Variants in AMOTL1 observed in about 807,000 individuals in gnomAD.
The protein encoded by AMOTL1 is angiomotin-like protein 1.
AMOTL1 carries 45 observed loss-of-function variants against 102.9 expected under a neutral mutation model. The observed-to-expected ratio is 0.44, with a 90% CI of 0.34 to 0.56. The LOEUF (loss-of-function observed/expected upper bound fraction) is 0.56. AMOTL1 is among the 20% of genes least tolerant of loss of function. The probability of loss-of-function intolerance (pLI) is 0.01; values close to 1 mark genes in which losing one functional copy is unlikely to be tolerated. For missense variants in AMOTL1, 1,114 were observed against 1,225.6 expected (o/e 0.91, Z 1.36); for synonymous variants, 481 against 484.7 (o/e 0.99, Z 0.10).
chr11:94,708,872 A>G (rs1304013790), intron 1 of AMOTL1, among the ~76,000 whole-genome samples: 2 of 152,208 alleles, frequency 1.3e-5, no homozygotes, highest in East Asian at 1.9e-4. Flanking sequence ...GGAAACCAGT[A>G]CAGTTAACCA....
chr11:94,824,177 T>C (rs930518842), intron 4 of AMOTL1, among the ~76,000 whole-genome samples: 2 of 152,212 alleles, frequency 1.3e-5, no homozygotes, highest in African/African-American at 2.4e-5. Context: ...AATCAAAAGC[T>C]GTGTCCCTTC....
At chr11:94,847,110 A>G (rs1336690666) in intron 6 of AMOTL1, among the ~76,000 whole-genome samples, 1 of 152,206 alleles carries the variant, frequency 6.6e-6, no homozygotes, top group Non-Finnish European at 1.5e-5. Flanking sequence ...TGTTTGACCC[A>G]TGTATTTCAG....
chr11:94,850,331 C>T lies in AMOTL1; in HGVS notation c.1794+72C>T, dbSNP rs1404526959. On this transcript the variant is annotated intron_variant, in intron 7 of 12. Transcript: ENST00000433060. ...CCCAGAGGGCTTCCACTTTCTTTTCCTAACCCACCTACTTTAACCAGAGCC... is the reference window on the plus strand; with the variant it reads ...CCCAGAGGGCTTCCACTTTCTTTTCTTAACCCACCTACTTTAACCAGAGCC... 4.7e-6 allele frequency: 7 copies of T among 1,482,106 alleles called. No homozygotes were observed. In the African/African-American group the frequency reaches 7.1e-5, roughly 15 times the overall value. The allele number at this position is 1,482,106 out of a possible 1,614,324, so 91.8% of individuals were successfully genotyped here. A position where few individuals can be genotyped will look rare whatever the true frequency, so the allele number is the denominator to read the frequency against.
chr11:94,754,556 G>C (rs1950698220), intron 3 of AMOTL1, among the ~76,000 whole-genome samples: 1 of 152,150 alleles, frequency 6.6e-6, no homozygotes, highest in Non-Finnish European at 1.5e-5. Context: ...ATTTGGCTCA[G>C]TAGTATTCAG....
intron 1 of AMOTL1, among the ~76,000 whole-genome samples, chr11:94,715,971 C>G (rs914709643): frequency 1.3e-5 from 2 of 152,062 alleles, no homozygotes; most frequent in Non-Finnish European, 2.9e-5. Flanking sequence ...TATTTCTTCT[C>G]TCTCTGAGAT....
At position 94,859,515 on chromosome 11, in the gene AMOTL1, A is replaced by T. The variant is rs1565384890; in HGVS notation, c.1945-10A>T. 6.2e-7 allele frequency: 1 copy of T among 1,602,376 alleles called. No homozygotes were observed. Among genetic ancestry groups the T allele is most frequent in the Admixed American group, 1.7e-5 (1 of 58,378 alleles). On this transcript the variant is annotated splice_polypyrimidine_tract_variant and intron_variant, in intron 8 of 12. Transcript: ENST00000433060. ...TTTTGAGCATCAAGATTTTTTTTCT[A>T]CTCCTTCAGAAACATGGAAATGGCC... is the stretch of plus-strand genomic sequence containing the variant.
At chr11:94,839,264 G>C (rs532263895) in intron 6 of AMOTL1, among the ~76,000 whole-genome samples, 2 of 152,196 alleles carry the variant, frequency 1.3e-5, no homozygotes, top group African/African-American at 2.4e-5. Flanking sequence ...ATTTAACAAC[G>C]GTAACAGCTG....
intron 1 of AMOTL1, among the ~76,000 whole-genome samples, chr11:94,790,974 A>G (rs534646706): frequency 6.6e-6 from 1 of 152,194 alleles, no homozygotes; most frequent in South Asian, 2.1e-4. Flanking sequence ...TTTTCCCTTC[A>G]ACAATGAAGC....
At chr11:94,736,167 G>A (rs560372510) in intron 2 of AMOTL1, among the ~76,000 whole-genome samples, 1 of 152,328 alleles carries the variant, frequency 6.6e-6, no homozygotes, top group Admixed American at 6.5e-5. Flanking sequence ...CATGGCAGCA[G>A]GAGGCCCACC....
chr11:94,843,451 A>G (rs1026895611), intron 6 of AMOTL1, among the ~76,000 whole-genome samples: 26 of 152,224 alleles, frequency 1.7e-4, no homozygotes, highest in Admixed American at 1.4e-3. Context: ...ATAGTTTTGT[A>G]GACAGTAAAG....
chr11:94,764,234 C>A (rs116611280), upstream of AMOTL1, among the ~76,000 whole-genome samples: 1,178 of 152,260 alleles, frequency 7.7e-3, 17 homozygotes, highest in African/African-American at 0.027. Context: ...GTAAATACTT[C>A]TGAAAGTGAA....
intron 6 of AMOTL1, among the ~76,000 whole-genome samples, chr11:94,834,315 C>T (rs1230664116): frequency 1.3e-5 from 2 of 152,042 alleles, no homozygotes; most frequent in East Asian, 1.9e-4. Flanking sequence ...GGGCCGGGCG[C>T]GGTGGCTCAC....
rs116181726 is a variant in AMOTL1, at chr11:94,740,955, G to C, written c.103G>C (p.Ala35Pro). 7.7e-4 allele frequency: 993 copies of C among 1,289,158 alleles called. 9 individuals carry two copies. In the African/African-American group the frequency reaches 0.012, roughly 15 times the overall value. The allele number at this position is 1,289,158 out of a possible 1,614,324, so 79.9% of individuals were successfully genotyped here. ...TCCCCCAGACAGTGAGTTTGTGGAAGCCTCGCCCGCATCCTACAGCCCAGA... is the reference window on the plus strand; with the variant it reads ...TCCCCCAGACAGTGAGTTTGTGGAACCCTCGCCCGCATCCTACAGCCCAGA... The change falls in exon 3 of 5, where the codon GCC becomes CCC. Residue 35 changes from alanine (A) to proline (P), a missense_variant. Physicochemically the swap from Ala to Pro is conservative, Grantham distance 27. Coordinates refer to the AMOTL1 transcript ENST00000299004.
Position 94,829,933 on chromosome 11 carries a change from G to A in AMOTL1, c.1414-117G>A. 3.9e-6 allele frequency: 4 copies of A among 1,021,608 alleles called. No homozygotes were observed. The South Asian group carries it at 5.4e-5, about 14-fold the overall frequency. 63.3% of individuals were successfully genotyped at this position (1,021,608 alleles called of 1,614,324 possible). ...GTTTGGTACACATGAAACTTGAGAT[G>A]CAGAAAGACTGCATTGAAGATACAG... On this transcript the variant is annotated intron_variant, in intron 4 of 12. Transcript: ENST00000433060.
intron 1 of AMOTL1, among the ~76,000 whole-genome samples, chr11:94,786,153 A>G (rs868022881): frequency 1.3e-5 from 2 of 152,222 alleles, no homozygotes; most frequent in Non-Finnish European, 2.9e-5. Context: ...TTTGTTTTAG[A>G]TAAGTTAAGC....
At chr11:94,819,691 A>ACC in intron 3 of AMOTL1, among the ~76,000 whole-genome samples, 1 of 152,296 alleles carries the variant, frequency 6.6e-6, no homozygotes, top group Non-Finnish European at 1.5e-5. Flanking sequence ...ACGTGTATGT[A>ACC]ACCAAGCTGT....
intron 2 of AMOTL1, among the ~76,000 whole-genome samples, chr11:94,729,916 G>A (rs988908405): frequency 6.6e-6 from 1 of 152,092 alleles, no homozygotes; most frequent in South Asian, 2.1e-4. Context: ...TCTAAAACAG[G>A]GTAACTTATA....
chr11:94,737,772 C>G (rs1188904215), intron 2 of AMOTL1, among the ~76,000 whole-genome samples: 4 of 152,182 alleles, frequency 2.6e-5, no homozygotes, highest in Non-Finnish European at 4.4e-5. Flanking sequence ...GGATCTAGGA[C>G]TGATAATTGG....
intron 6 of AMOTL1, among the ~76,000 whole-genome samples, chr11:94,842,419 A>G (rs1321334999): frequency 1.3e-5 from 2 of 152,206 alleles, no homozygotes; most frequent in African/African-American, 2.4e-5. Flanking sequence ...ACCTCAAAAA[A>G]AAAGTGGGTT....
Sources: allele counts gnomAD v4.1 joint callset (sites outside exome capture counted in the v4.1 genomes callset), GRCh38; gene constraint gnomAD v4.1.1; transcripts MANE v1.5; gene names NCBI Gene and HGNC (gene_info 2026-07-23, HGNC 2026-07-21).